The following LRFN5 variants were observed in gnomAD, a reference collection of about 807,000 sequenced individuals.
The protein encoded by LRFN5 is leucine rich repeat and fibronectin type III domain containing 5, also known as leucine-rich repeat and fibronectin type-III domain-containing protein 5.
A neutral mutation model predicts 45.6 loss-of-function variants in LRFN5; 24 were observed. The ratio of observed to expected loss-of-function variants is 0.53; its 90% CI spans 0.38 to 0.74. The LOEUF is 0.74. Among genes scored for constraint, LRFN5 ranks in the 30% least tolerant of loss-of-function variants. LRFN5 has a pLI of 0.00. For missense variants in LRFN5, 776 were observed against 861.5 expected (o/e 0.90, Z 1.24); for synonymous variants, 340 against 313.8 (o/e 1.08, Z -0.88).
chr14:41,844,208 T>C (rs541217808), intron 2 of LRFN5, among the ~76,000 whole-genome samples: 3,791 of 151,972 alleles, frequency 0.025, 52 homozygotes, highest in Middle Eastern at 0.041. Flanking sequence ...GAGGCCAAGG[T>C]GGGCGGATCA....
chr14:41,884,446 C>A (rs887734114), intron 2 of LRFN5, among the ~76,000 whole-genome samples: 1 of 152,062 alleles, frequency 6.6e-6, no homozygotes, highest in African/African-American at 2.4e-5. Context: ...TTGTGCTGGA[C>A]ACCTCTTAAC....
chr14:41,629,784 T>G (rs1314970426), intron 1 of LRFN5, among the ~76,000 whole-genome samples: 1 of 152,182 alleles, frequency 6.6e-6, no homozygotes, highest in Non-Finnish European at 1.5e-5. Context: ...TCAAATCATA[T>G]GTACTGGTGA....
At chr14:41,760,782 G>A (rs1435370316) in intron 1 of LRFN5, among the ~76,000 whole-genome samples, 2 of 151,540 alleles carry the variant, frequency 1.3e-5, no homozygotes, top group South Asian at 4.2e-4. Context: ...AGAAAAGGAG[G>A]GAAGGTGAAA....
intron 1 of LRFN5, among the ~76,000 whole-genome samples, chr14:41,649,643 A>G (rs913069786): frequency 2.6e-5 from 4 of 152,098 alleles, no homozygotes; most frequent in African/African-American, 4.8e-5. Context: ...CATCTTTGAT[A>G]TTTTATCAGG....
At chr14:41,688,483 A>C (rs2138699536) in intron 1 of LRFN5, among the ~76,000 whole-genome samples, 1 of 152,164 alleles carries the variant, frequency 6.6e-6, no homozygotes, top group African/African-American at 2.4e-5. Flanking sequence ...ATAAATTAGT[A>C]AATTTAAAAG....
At chr14:41,649,695 G>C (rs1275986318) in intron 1 of LRFN5, among the ~76,000 whole-genome samples, 4 of 152,046 alleles carry the variant, frequency 2.6e-5, no homozygotes, top group Non-Finnish European at 5.9e-5. Context: ...TGATCACCCT[G>C]GTCTGTCTTC....
At chr14:41,742,813 G>A (rs58922111) in intron 1 of LRFN5, 27,445 of 162,832 alleles carry the variant, frequency 0.17, 2,451 homozygotes, top group Admixed American at 0.2. Flanking sequence ...GAAGTCATCA[G>A]TGGTTTTGAA....
chr14:41,886,631 A>C lies in LRFN5; in HGVS notation c.6A>C (p.Glu2Asp). The C allele has an allele frequency of 6.3e-7, 1 of 1,575,744 alleles. No individual in the cohort carries two copies. The highest frequency in any genetic ancestry group is 8.6e-7 in the Non-Finnish European group (1 of 1,166,114). The change falls in exon 3 of 6, where the codon GAA becomes GAC. Residue 2 changes from glutamate to aspartate, a missense_variant. Glu to Asp is a conservative substitution (Grantham distance 45, BLOSUM62 2). This residue lies in a region of LRFN5 where 311 missense variants were observed against 405.1 expected (regional missense o/e 0.77). Transcript: ENST00000298119. ...GCTCTTAAACCTGATCTACAATGGA[A>C]AAAATTCTTTTTTATCTGTTTCTCA... The part of the protein sequence containing the change: M[E>D]KILFYLFLIG...
chr14:41,762,899 A>T (rs549346518), intron 1 of LRFN5, among the ~76,000 whole-genome samples: 153 of 152,326 alleles, frequency 1.0e-3, no homozygotes, highest in African/African-American at 3.5e-3. Flanking sequence ...AAGTAAATAT[A>T]GCTAAAAATA....
At chr14:41,717,490 C>A (rs1883540249) in intron 1 of LRFN5, among the ~76,000 whole-genome samples, 1 of 152,188 alleles carries the variant, frequency 6.6e-6, no homozygotes, top group South Asian at 2.1e-4. Flanking sequence ...GTAAAATTGA[C>A]CCTGTGCACT....
chr14:41,683,427 T>C (rs1267113473), intron 1 of LRFN5, among the ~76,000 whole-genome samples: 1 of 152,190 alleles, frequency 6.6e-6, no homozygotes, highest in Non-Finnish European at 1.5e-5. Flanking sequence ...ATACCCACTT[T>C]CACTACTGTT....
intron 1 of LRFN5, among the ~76,000 whole-genome samples, chr14:41,623,866 G>C (rs1423167383): frequency 6.6e-6 from 1 of 152,050 alleles, no homozygotes; most frequent in Non-Finnish European, 1.5e-5. Context: ...TTTGGTCAGA[G>C]TACTCTAAAA....
chr14:41,860,751 A>C (rs1453816105), intron 2 of LRFN5, among the ~76,000 whole-genome samples: 1 of 152,242 alleles, frequency 6.6e-6, no homozygotes, highest in African/African-American at 2.4e-5. Flanking sequence ...GAGAATTGTA[A>C]CAAGTCATTT....
chr14:41,831,707 A>T (rs900134035), intron 2 of LRFN5, among the ~76,000 whole-genome samples: 11 of 152,168 alleles, frequency 7.2e-5, no homozygotes, highest in Admixed American at 2.0e-4. Flanking sequence ...TTTTCTCTGT[A>T]ACTAGTTCAT....
intron 1 of LRFN5, among the ~76,000 whole-genome samples, chr14:41,663,813 A>C (rs1377956068): frequency 6.6e-6 from 1 of 152,038 alleles, no homozygotes; most frequent in Non-Finnish European, 1.5e-5. Flanking sequence ...AAGAGTTGCT[A>C]GTTTCAGGAG....
At chr14:41,757,379 C>G (rs1885447689) in intron 1 of LRFN5, among the ~76,000 whole-genome samples, 1 of 152,174 alleles carries the variant, frequency 6.6e-6, no homozygotes, top group South Asian at 2.1e-4. Flanking sequence ...GGCAGGCAGG[C>G]CTCCTTGAAC....
chr14:41,847,036 G>A (rs1889093145), intron 2 of LRFN5, among the ~76,000 whole-genome samples: 1 of 152,010 alleles, frequency 6.6e-6, no homozygotes, highest in Non-Finnish European at 1.5e-5. Flanking sequence ...ATCTTTGGAG[G>A]TACAATTTTT....
intron 3 of LRFN5, 145 bp from the exon 4 acceptor site, chr14:41,891,105 A>C: frequency 1.4e-6 from 1 of 697,838 alleles, no homozygotes; most frequent in Non-Finnish European, 2.4e-6. Context: ...CTCAGTAAAT[A>C]TGAGATTAGA....
intron 2 of LRFN5, among the ~76,000 whole-genome samples, chr14:41,810,118 G>A (rs1009848253): frequency 6.6e-6 from 1 of 151,980 alleles, no homozygotes; most frequent in Non-Finnish European, 1.5e-5. Context: ...AGTTGATTGA[G>A]ATTTATGACA....
Sources: gnomAD v4.1 joint callset for allele counts (sites outside exome capture counted in the v4.1 genomes callset) on GRCh38, gnomAD v4.1.1 for gene constraint, gnomAD v4.1.1 regional missense constraint, MANE v1.5 for transcripts, NCBI Gene and HGNC (gene_info 2026-07-23, HGNC 2026-07-21) for gene names.